Variants in NF1 observed in about 807,000 individuals in gnomAD.
The protein encoded by NF1 is neurofibromin.
In NF1, 122 loss-of-function variants were observed where a neutral mutation model predicts 325.7. The ratio of observed to expected loss-of-function variants is 0.37; its 90% CI spans 0.32 to 0.44. NF1 has a LOEUF of 0.44. Among genes scored for constraint, NF1 ranks in the 20% least tolerant of loss-of-function variants. The probability of loss-of-function intolerance (pLI) is 1.00; values close to 1 mark genes in which losing one functional copy is unlikely to be tolerated. For synonymous variants in NF1, 1,091 were observed against 1,186.0 expected (o/e 0.92, Z 1.65); for missense variants, 2,140 against 3,415.4 (o/e 0.63, Z 9.31).
chr17:31,351,410 T>A (rs1010443694), intron 50 of NF1, among the ~76,000 whole-genome samples: 10 of 152,102 alleles, frequency 6.6e-5, no homozygotes, highest in African/African-American at 2.4e-4. Context: ...TTATTTATTT[T>A]TATTTTTCTT....
intron 16 of NF1, among the ~76,000 whole-genome samples, chr17:31,224,756 TG>T (rs1464040772): frequency 6.6e-6 from 1 of 152,154 alleles, no homozygotes; most frequent in African/African-American, 2.4e-5. Context: ...TAAAATCTTA[TG>T]GAAAAAAAAT....
At chr17:31,214,790 C>T (rs529037270) in intron 13 of NF1, among the ~76,000 whole-genome samples, 1 of 152,154 alleles carries the variant, frequency 6.6e-6, no homozygotes, top group African/African-American at 2.4e-5. Flanking sequence ...TTGCCCTTAT[C>T]ATTTCCTAAC....
intron 1 of NF1, chr17:31,133,591 T>C (rs942603181): frequency 2.6e-5 from 4 of 152,212 alleles, no homozygotes; most frequent in African/African-American, 9.6e-5. Context: ...CTATTTTACT[T>C]TCCCATCAGT....
chr17:31,137,819 G>T, intron 1 of NF1: 1 of 151,838 alleles, frequency 6.6e-6, no homozygotes, highest in Admixed American at 6.6e-5. Context: ...ATTTGTCTAG[G>T]TCTTAAGTTC....
At chr17:31,181,058 C>CA (rs1446225563) in intron 5 of NF1, among the ~76,000 whole-genome samples, 2 of 152,190 alleles carry the variant, frequency 1.3e-5, no homozygotes, top group African/African-American at 4.8e-5. Flanking sequence ...AGGACCTCTT[C>CA]AAGGAGAACT....
Position 31,330,322 on chromosome 17 carries a change from C to T in NF1, c.5636C>T (p.Ala1879Val), listed in dbSNP as rs1555533845. ...TCAGCTGCCTATAATCTTCTGTGTG[C>T]CTTAACTTGTACCTTTAATTTAAAA... ...LRSAAYNLLC[A>V]LTCTFNLKIE... is the part of the protein sequence containing the mutation. Residue 1879 changes from alanine to valine, a missense_variant, in exon 39 of 58, where the codon GCC becomes GTC. Ala to Val is a moderately conservative substitution (Grantham distance 64, BLOSUM62 0). Coordinates refer to ENST00000358273, the MANE Select transcript of NF1 (RefSeq NM_001042492.3). The T allele has an allele frequency of 2.5e-6, 4 of 1,614,002 alleles. No individual in the cohort carries two copies. Among genetic ancestry groups the T allele is most frequent in the Non-Finnish European group, 3.4e-6 (4 of 1,179,928 alleles).
intron 36 of NF1, among the ~76,000 whole-genome samples, chr17:31,298,740 G>A (rs1299563904): frequency 6.6e-6 from 1 of 152,004 alleles, no homozygotes; most frequent in Non-Finnish European, 1.5e-5. Context: ...AAAATAATGT[G>A]TTAAAAATAC....
chr17:31,115,178 C>A (rs757902032), intron 1 of NF1, among the ~76,000 whole-genome samples: 10 of 152,024 alleles, frequency 6.6e-5, no homozygotes, highest in South Asian at 6.2e-4. Flanking sequence ...ATTGTTATGA[C>A]TTTCGTGGGG....
At chr17:31,142,105 T>A (rs1187579500) in intron 1 of NF1, among the ~76,000 whole-genome samples, 1 of 152,202 alleles carries the variant, frequency 6.6e-6, no homozygotes, top group Non-Finnish European at 1.5e-5. Context: ...AGAAACAAAT[T>A]AACCATTGTT....
rs768982249 is a variant in NF1 at position 31,336,825 on chromosome 17, C to T, written c.6338C>T (p.Thr2113Ile). 6.2e-7 allele frequency: 1 copy of T among 1,614,050 alleles called. No homozygotes were observed. The highest frequency in any genetic ancestry group is 1.1e-5 in the South Asian group (1 of 91,076). Residue 2113 changes from threonine (T) to isoleucine (I), a missense_variant, in exon 42 of 58, where the codon ACA (threonine) becomes ATA (isoleucine). By Grantham distance (89) the Thr-to-Ile change is moderately conservative (BLOSUM62 -1). Around this residue, in one of 10 missense-constraint regions of NF1, gnomAD observed 180 missense variants for 435.1 expected, o/e 0.41. Transcript: ENST00000358273. The surrounding 1 kb of genome is among the most constrained non-coding windows in gnomAD (Gnocchi z 5.5). ...CACGTTGTTACTTTCTTAGTAGCCA[C>T]AGGTCCGCTCTCCCTTAGAGCTTCC... ...LFHVVTFLVA[T>I]GPLSLRASTH...
At chr17:31,266,518 T>C (rs1416824336) in intron 36 of NF1, among the ~76,000 whole-genome samples, 4 of 152,328 alleles carry the variant, frequency 2.6e-5, no homozygotes, top group Middle Eastern at 3.4e-3. Flanking sequence ...TTGCCATTTC[T>C]AAATTGCCTA....
chr17:31,162,757 CA>C (rs1055413238), intron 3 of NF1, among the ~76,000 whole-genome samples: 2 of 152,152 alleles, frequency 1.3e-5, no homozygotes, highest in African/African-American at 2.4e-5. Context: ...TCAGTCTGCA[CA>C]AAAGCAAGTG....
intron 36 of NF1, among the ~76,000 whole-genome samples, chr17:31,300,834 T>TTGTCCATCTGATAGGCAAGTA (rs1395454028): frequency 1.3e-5 from 2 of 152,118 alleles, no homozygotes; most frequent in Non-Finnish European, 1.5e-5. Flanking sequence ...TTGGGATTTA[T>TTGTCCATCTGATAGGCAAGTA]TGTCCATCTG....
intron 29 of NF1, among the ~76,000 whole-genome samples, chr17:31,248,232 A>AC (rs1374738229): frequency 2.0e-5 from 3 of 150,848 alleles, no homozygotes; most frequent in East Asian, 2.0e-4. Flanking sequence ...AAAAAAAAAA[A>AC]CACCTGCATC....
At chr17:31,222,011 T>C (rs1169348491) in intron 15 of NF1, 82 bp downstream of exon 15, 1 of 1,375,252 alleles carries the variant, frequency 7.3e-7, no homozygotes, top group South Asian at 1.7e-5. Flanking sequence ...CTGTAGTACT[T>C]AGTACATTGT....
rs2067131974 is a variant in NF1, at chr17:31,232,627, T to C, written c.3315-73T>C. 4.3e-6 allele frequency: 6 copies of C among 1,407,204 alleles called. No individual in the cohort carries two copies. In the South Asian group the frequency reaches 7.1e-5, roughly 17 times the overall value. 87.2% of individuals were successfully genotyped at this position (1,407,204 alleles called of 1,614,324 possible). ...CATTCACACCATGCACATATGATTG[T>C]TTTGGAATGTCTGGTTAGCTTTCTA... On this transcript the variant is annotated intron_variant, in intron 25 of 57. Coordinates refer to ENST00000358273, the MANE Select transcript of NF1 (RefSeq NM_001042492.3).
At chr17:31,326,293 T>A in intron 37 of NF1, 41 bp downstream of exon 37, 1 of 1,580,596 alleles carries the variant, frequency 6.3e-7, no homozygotes, top group Non-Finnish European at 8.6e-7. Flanking sequence ...TCATTGCTTT[T>A]CTTGACTAAC....
chr17:31,139,388 A>ACT (rs1567807356), intron 1 of NF1, among the ~76,000 whole-genome samples: 2 of 150,394 alleles, frequency 1.3e-5, no homozygotes, highest in African/African-American at 4.9e-5. Context: ...ACACACACAC[A>ACT]CACACACACA....
intron 14 of NF1, among the ~76,000 whole-genome samples, chr17:31,221,230 A>G (rs931941512): frequency 1.3e-5 from 2 of 151,956 alleles, no homozygotes; most frequent in Non-Finnish European, 2.9e-5. Context: ...TTTATATGTT[A>G]TATATTGTAA....
Sources: allele counts gnomAD v4.1 joint callset (sites outside exome capture counted in the v4.1 genomes callset), GRCh38; gene constraint gnomAD v4.1.1; regional missense constraint gnomAD v4.1.1; non-coding constraint Gnocchi (gnomAD v3.1); transcripts MANE v1.5; gene names NCBI Gene and HGNC (gene_info 2026-07-23, HGNC 2026-07-21).